ZSCAN4: variants seen among roughly 807,000 people sequenced by gnomAD.
ZSCAN4 encodes the protein zinc finger and SCAN domain containing 4.
ZSCAN4 carries 18 observed loss-of-function variants against 18.3 expected under a neutral mutation model. The observed-to-expected ratio is 0.98, with a 90% CI of 0.68 to 1.46. ZSCAN4 has a LOEUF of 1.46. Ranked by LOEUF, ZSCAN4 falls within the 40% of genes most tolerant of loss-of-function variation. ZSCAN4 has a pLI of 0.00. For synonymous variants in ZSCAN4, 193 were observed against 180.3 expected (o/e 1.07, Z -0.57); for missense variants, 498 against 511.4 (o/e 0.97, Z 0.25).
At chr19:57,674,373 T>C (rs145289344) in intron 2 of ZSCAN4, among the ~76,000 whole-genome samples, 1 of 152,212 alleles carries the variant, frequency 6.6e-6, no homozygotes, top group Non-Finnish European at 1.5e-5. Context: ...CATCCTTATG[T>C]CCATGTGTAC....
exon 3 of ZSCAN4, chr19:57,676,112 CAAAGT>C: frequency 5.8e-6 from 9 of 1,559,428 alleles, no homozygotes; most frequent in South Asian, 1.2e-5. Flanking sequence ...ACTGAATCAT[CAAAGT>C]AAAGTCTCTC....
At chr19:57,677,539 C>T (rs1984224242) in intron 3 of ZSCAN4, among the ~76,000 whole-genome samples, 1 of 152,036 alleles carries the variant, frequency 6.6e-6, no homozygotes, top group Non-Finnish European at 1.5e-5. Flanking sequence ...GGAGATAATA[C>T]ATGTGTTGGA....
chr19:57,664,657 GGA>G (rs1983810714), upstream of ZSCAN4: 1 of 211,904 alleles, frequency 4.7e-6, no homozygotes, highest in Non-Finnish European at 1.0e-5. Flanking sequence ...CGTCTCCTGC[GGA>G]GAATTCCAAT....
At chr19:57,654,563 T>C in the ZSCAN4 span, among the ~76,000 whole-genome samples, 2 of 152,104 alleles carry the variant, frequency 1.3e-5, no homozygotes, top group Non-Finnish European at 2.9e-5. Flanking sequence ...GCCTGTTAAA[T>C]CTCTCCACAA....
intron 2 of ZSCAN4, among the ~76,000 whole-genome samples, chr19:57,670,848 G>C (rs1230764673): frequency 6.7e-6 from 1 of 149,456 alleles, no homozygotes; most frequent in Non-Finnish European, 1.5e-5. Flanking sequence ...TCTATCGTAT[G>C]ACTTTATGTT....
intron 2 of ZSCAN4, among the ~76,000 whole-genome samples, chr19:57,673,861 C>A (rs1984099089): frequency 6.6e-6 from 1 of 152,180 alleles, no homozygotes; most frequent in African/African-American, 2.4e-5. Flanking sequence ...TCAACCCATT[C>A]TCCTTGCTCA....
At chr19:57,675,233 C>T (rs1984147235) in intron 2 of ZSCAN4, among the ~76,000 whole-genome samples, 1 of 150,716 alleles carries the variant, frequency 6.6e-6, no homozygotes, top group African/African-American at 2.5e-5. Context: ...CTGCAATCTC[C>T]ACCTCCCGGG....
chr19:57,658,934 T>C, the ZSCAN4 span, among the ~76,000 whole-genome samples: 1 of 150,720 alleles, frequency 6.6e-6, no homozygotes, highest in Non-Finnish European at 1.5e-5. Context: ...CTAGAGTAAA[T>C]ACAATAACTC....
At chr19:57,676,123 C>A (rs758387535) in exon 3 of ZSCAN4, 2 of 1,577,124 alleles carry the variant, frequency 1.3e-6, no homozygotes, top group Non-Finnish European at 1.7e-6. Flanking sequence ...AAAGTAAAGT[C>A]TCTCTGAGAA....
At chr19:57,666,323 G>T (rs1385654377), upstream of ZSCAN4, among the ~76,000 whole-genome samples, 1 of 152,106 alleles carries the variant, frequency 6.6e-6, no homozygotes, top group African/African-American at 2.4e-5. Flanking sequence ...AGCTTCGCGT[G>T]CTGGCTCTCC....
At chr19:57,674,209 G>T (rs546220296) in intron 2 of ZSCAN4, among the ~76,000 whole-genome samples, 8 of 152,154 alleles carry the variant, frequency 5.3e-5, no homozygotes, top group Non-Finnish European at 8.8e-5. Flanking sequence ...GAGTACATGT[G>T]CATGTTTGTT....
At chr19:57,657,499 A>G in the ZSCAN4 span, among the ~76,000 whole-genome samples, 2 of 152,240 alleles carry the variant, frequency 1.3e-5, no homozygotes, top group Non-Finnish European at 2.9e-5. Flanking sequence ...TATGAAATAA[A>G]CTGGAGCTCT....
chr19:57,655,402 G>A, the ZSCAN4 span, among the ~76,000 whole-genome samples: 4 of 152,058 alleles, frequency 2.6e-5, no homozygotes, highest in African/African-American at 9.7e-5. Context: ...TCTAACCAAG[G>A]CCTTGTTCTT....
chr19:57,660,533 C>T, the ZSCAN4 span, among the ~76,000 whole-genome samples: 1 of 152,154 alleles, frequency 6.6e-6, no homozygotes, highest in East Asian at 1.9e-4. Context: ...CTCAATTATC[C>T]AATTTATAAT....
chr19:57,676,523 C>T (rs747445300), exon 3 of ZSCAN4: 4 of 1,613,318 alleles, frequency 2.5e-6, no homozygotes, highest in African/African-American at 2.7e-5. Context: ...CTGATGACAG[C>T]ATAAATCCAC....
upstream of ZSCAN4, among the ~76,000 whole-genome samples, chr19:57,666,897 T>TTTATTA (rs138146671): frequency 0.33 from 50,109 of 151,050 alleles, 8,594 homozygotes; most frequent in Non-Finnish European, 0.38. Flanking sequence ...CTACCAGGTT[T>TTTATTA]TTATTATTAT....
the ZSCAN4 span, among the ~76,000 whole-genome samples, chr19:57,660,032 G>T: frequency 6.6e-6 from 1 of 152,128 alleles, no homozygotes; most frequent in Non-Finnish European, 1.5e-5. Context: ...CCAGCAAAAA[G>T]GTGAGATCAG....
At chr19:57,678,688 A>G in exon 5 of ZSCAN4, 1 of 1,614,152 alleles carries the variant, frequency 6.2e-7, no homozygotes, top group Non-Finnish European at 8.5e-7. Flanking sequence ...CAGATAATTC[A>G]CACAGGAAAG....
the ZSCAN4 span, among the ~76,000 whole-genome samples, chr19:57,662,546 G>T: frequency 6.6e-6 from 1 of 152,020 alleles, no homozygotes; most frequent in Non-Finnish European, 1.5e-5. Context: ...ACCGCTGAGA[G>T]ATTTGGTTTT....
Sources: allele counts gnomAD v4.1 joint callset (sites outside exome capture counted in the v4.1 genomes callset), GRCh38; gene constraint gnomAD v4.1.1; transcripts MANE v1.5; gene names NCBI Gene and HGNC (gene_info 2026-07-23, HGNC 2026-07-21).